The following INTU variants were observed in gnomAD, a reference collection of about 807,000 sequenced individuals.
INTU encodes protein inturned.
In INTU, 68 loss-of-function variants were observed where a neutral mutation model predicts 100.5. The observed-to-expected ratio is 0.68, with a 90% CI of 0.56 to 0.83. The LOEUF (loss-of-function observed/expected upper bound fraction) is 0.83. Ranked by LOEUF, INTU falls within the 40% of genes least tolerant of loss-of-function variation. The pLI is 0.00. For synonymous variants in INTU, 357 were observed against 395.7 expected (o/e 0.90, Z 1.16); for missense variants, 1,071 against 1,114.7 (o/e 0.96, Z 0.56).
intron 2 of INTU, among the ~76,000 whole-genome samples, chr4:127,652,397 C>G (rs997742859): frequency 6.8e-6 from 1 of 147,086 alleles, no homozygotes; most frequent in Non-Finnish European, 1.5e-5. Flanking sequence ...TACGTCCCAT[C>G]AATACCTAAT....
chr4:127,654,704 G>T (rs1397923505), intron 2 of INTU, among the ~76,000 whole-genome samples: 1 of 147,358 alleles, frequency 6.8e-6, no homozygotes, highest in Admixed American at 6.8e-5. Flanking sequence ...ATGTGTCTTG[G>T]AGTTGCTCTT....
chr4:127,665,175 T>C (rs1267709704), intron 4 of INTU, among the ~76,000 whole-genome samples: 2 of 150,216 alleles, frequency 1.3e-5, no homozygotes, highest in Non-Finnish European at 3.0e-5. Context: ...ATACTACTAC[T>C]ACTTATTATT....
intron 2 of INTU, among the ~76,000 whole-genome samples, chr4:127,653,636 T>C (rs199726480): frequency 0.03 from 4,535 of 151,372 alleles, 258 homozygotes; most frequent in East Asian, 0.25. Flanking sequence ...AGAGCTTTAC[T>C]TCCAACTATG....
chr4:127,712,220 A>G (rs1731120146), intron 14 of INTU, among the ~76,000 whole-genome samples: 1 of 152,174 alleles, frequency 6.6e-6, no homozygotes, highest in South Asian at 2.1e-4. Flanking sequence ...AGTGGGCTGA[A>G]TTACATCATC....
chr4:127,644,751 ATAT>A (rs1408476761), intron 2 of INTU, among the ~76,000 whole-genome samples: 2 of 152,246 alleles, frequency 1.3e-5, no homozygotes, highest in Non-Finnish European at 1.5e-5. Context: ...ATTTGAGGAT[ATAT>A]TATTACTAAA....
chr4:127,699,547 A>G (rs1055435153), intron 8 of INTU, among the ~76,000 whole-genome samples: 7 of 152,204 alleles, frequency 4.6e-5, no homozygotes, highest in African/African-American at 1.7e-4. Flanking sequence ...CAAGAATCCA[A>G]CTATTGAGTA....
intron 6 of INTU, among the ~76,000 whole-genome samples, chr4:127,677,757 C>T (rs1253232517): frequency 6.6e-6 from 1 of 152,194 alleles, no homozygotes; most frequent in East Asian, 1.9e-4. Flanking sequence ...CGGAGAATGA[C>T]TTTGACGAGA....
intron 2 of INTU, among the ~76,000 whole-genome samples, chr4:127,647,965 G>A (rs1727665787): frequency 1.3e-5 from 2 of 151,998 alleles, no homozygotes; most frequent in Non-Finnish European, 2.9e-5. Flanking sequence ...GTTGTTTGAT[G>A]TTAAGTATAT....
intron 8 of INTU, 22 bp downstream of exon 8, chr4:127,687,889 C>G (rs1168801453): frequency 6.7e-7 from 1 of 1,492,852 alleles, no homozygotes; most frequent in East Asian, 2.4e-5. Context: ...TATTATAAAG[C>G]AGAAGCAGAA....
intron 13 of INTU, among the ~76,000 whole-genome samples, chr4:127,710,681 C>G (rs1731059183): frequency 6.6e-6 from 1 of 152,148 alleles, no homozygotes. Flanking sequence ...CTTATCCTTG[C>G]ATAACATGTA....
intron 9 of INTU, among the ~76,000 whole-genome samples, chr4:127,703,950 T>C (rs1343486173): frequency 6.6e-6 from 1 of 152,178 alleles, no homozygotes; most frequent in African/African-American, 2.4e-5. Flanking sequence ...CCTAAAAAGA[T>C]GTGTTGTAAG....
chr4:127,707,653 GTGTGTGTATGTCTC>G (rs895478975), intron 12 of INTU, among the ~76,000 whole-genome samples: 2 of 151,994 alleles, frequency 1.3e-5, no homozygotes, highest in African/African-American at 4.8e-5. Context: ...CTGTGTGTGT[GTGTGTGTATGTCTC>G]TGTGTGTATT....
intron 4 of INTU, 140 bp downstream of exon 4, chr4:127,663,724 T>C: frequency 1.6e-6 from 1 of 626,196 alleles, no homozygotes. Context: ...ACTGTTTTTC[T>C]TTAAAATTGT....
At chr4:127,678,220 G>A (rs1010415273) in intron 6 of INTU, among the ~76,000 whole-genome samples, 2 of 152,102 alleles carry the variant, frequency 1.3e-5, no homozygotes, top group Non-Finnish European at 2.9e-5. Context: ...AGCAAGGCAG[G>A]CCAACATTCA....
chr4:127,670,984 G>A lies in INTU; in HGVS notation c.1091+1830G>A, dbSNP rs1728901630. On this transcript the variant is annotated intron_variant, in intron 5 of 15. Transcript: ENST00000335251. ...AACTCAAGTTAGATTAAAGACTTAA[G>A]TGTAATGCCTGACACTATAAAAATG... Among the ~76,000 whole-genome samples, 3 of 151,926 alleles carry A rather than the reference G, an allele frequency of 2.0e-5. No individual in the cohort carries two copies. In the South Asian group the frequency reaches 6.2e-4, roughly 31 times the overall value.
rs575191700 is a variant in INTU at position 127,684,573 on chromosome 4, GGTTA to G, written c.1259+92_1259+95del. 317 of 742,208 alleles carry G rather than the reference GGTTA, an allele frequency of 4.3e-4. 1 individual carries two copies. Among genetic ancestry groups the G allele is most frequent in the Non-Finnish European group, 6.5e-4 (296 of 458,728 alleles). The allele number at this position is 742,208 out of a possible 1,614,324, so 46.0% of individuals were successfully genotyped here. Reference sequence around the variant, plus strand: ...ATTTAAGACCATTTCTTGCTTGACAGGTTAGTTATTTGTCTCTTTTCTCCTCCCT... The same window carrying G: ...ATTTAAGACCATTTCTTGCTTGACAGGTTATTTGTCTCTTTTCTCCTCCCT... On this transcript the variant is annotated intron_variant, in intron 7 of 15. Coordinates refer to ENST00000335251, the MANE Select transcript of INTU (RefSeq NM_015693.4).
chr4:127,664,213 A>G (rs2126200863), intron 4 of INTU, among the ~76,000 whole-genome samples: 1 of 152,162 alleles, frequency 6.6e-6, no homozygotes, highest in South Asian at 2.1e-4. Context: ...ATAATATCAG[A>G]TATTTGGTAT....
chr4:127,687,788 A>G lies in INTU; in HGVS notation c.1370A>G (p.Gln457Arg). Residue 457 changes from glutamine (Q) to arginine (R), a missense_variant, in exon 8 of 16, where the codon CAG becomes CGG. Transcript: ENST00000335251. ...CATTCCAGCGCCAGTCCCAGTGCTCAGCAGTACGATGCTTCCAGTGCAGTA... is the reference window on the plus strand; with the variant it reads ...CATTCCAGCGCCAGTCCCAGTGCTCGGCAGTACGATGCTTCCAGTGCAGTA... Reference protein sequence around the residue: ...KLHSSASPSAQQYDASSAVLL... With the variant: ...KLHSSASPSARQYDASSAVLL... 6.2e-7 allele frequency: 1 copy of G among 1,613,638 alleles called. No individual in the cohort carries two copies. Among genetic ancestry groups the G allele is most frequent in the South Asian group, 1.1e-5 (1 of 91,026 alleles).
intron 9 of INTU, among the ~76,000 whole-genome samples, chr4:127,703,836 A>G (rs1730756801): frequency 6.6e-6 from 1 of 152,146 alleles, no homozygotes; most frequent in South Asian, 2.1e-4. Context: ...TTTTTTTTAC[A>G]TACCACTCAG....
Sources: gnomAD v4.1 joint callset for allele counts (sites outside exome capture counted in the v4.1 genomes callset) on GRCh38, gnomAD v4.1.1 for gene constraint, MANE v1.5 for transcripts, NCBI Gene and HGNC (gene_info 2026-07-23, HGNC 2026-07-21) for gene names.